Variants in L3MBTL3 observed in about 807,000 individuals in gnomAD.
L3MBTL3 encodes lethal(3)malignant brain tumor-like protein 3.
L3MBTL3 carries 27 observed loss-of-function variants against 102.3 expected under a neutral mutation model. The ratio of observed to expected loss-of-function variants is 0.26; its 90% confidence interval spans 0.19 to 0.36. L3MBTL3 has a LOEUF of 0.36. Among genes scored for constraint, L3MBTL3 ranks in the 10% least tolerant of loss-of-function variants. L3MBTL3 has a pLI of 1.00. For synonymous variants in L3MBTL3, 340 were observed against 320.9 expected (o/e 1.06, Z -0.64); for missense variants, 798 against 955.3 (o/e 0.84, Z 2.17).
At chr6:130,040,954 C>G (rs1780382506) in intron 2 of L3MBTL3, among the ~76,000 whole-genome samples, 1 of 152,196 alleles carries the variant, frequency 6.6e-6, no homozygotes, top group Non-Finnish European at 1.5e-5. Flanking sequence ...GCAATGGCTG[C>G]TACTACAGTT....
intron 13 of L3MBTL3, among the ~76,000 whole-genome samples, chr6:130,071,911 A>G (rs1447801964): frequency 6.6e-6 from 1 of 152,128 alleles, no homozygotes; most frequent in African/African-American, 2.4e-5. Flanking sequence ...TTAGATACTC[A>G]TTAGTTTTAC....
intron 13 of L3MBTL3, among the ~76,000 whole-genome samples, chr6:130,073,784 A>G (rs1304946086): frequency 6.6e-6 from 1 of 152,202 alleles, no homozygotes; most frequent in Non-Finnish European, 1.5e-5. Flanking sequence ...GGTTCTAAAA[A>G]TACAAAGAAA....
At chr6:130,063,578 G>C in intron 10 of L3MBTL3, among the ~76,000 whole-genome samples, 1 of 152,174 alleles carries the variant, frequency 6.6e-6, no homozygotes, top group East Asian at 1.9e-4. Context: ...ACTGATCAGT[G>C]TGTAACCTTG....
At chr6:130,030,336 C>G (rs1779632130) in intron 2 of L3MBTL3, among the ~76,000 whole-genome samples, 1 of 152,002 alleles carries the variant, frequency 6.6e-6, no homozygotes, top group East Asian at 1.9e-4. Flanking sequence ...GGTACCCTGG[C>G]TAAGATTATA....
intron 2 of L3MBTL3, among the ~76,000 whole-genome samples, chr6:130,031,255 A>G (rs1030329360): frequency 6.6e-6 from 1 of 152,346 alleles, no homozygotes; most frequent in African/African-American, 2.4e-5. Flanking sequence ...TGGGAGCTAG[A>G]TTAGAAGGTA....
chr6:130,115,093 A>C (rs1785578375), intron 19 of L3MBTL3, among the ~76,000 whole-genome samples: 1 of 152,144 alleles, frequency 6.6e-6, no homozygotes, highest in Non-Finnish European at 1.5e-5. Flanking sequence ...TGATGGCCAA[A>C]ACAGAAAAAC....
At chr6:130,056,227 C>A (rs1421769207) in intron 8 of L3MBTL3, among the ~76,000 whole-genome samples, 1 of 152,228 alleles carries the variant, frequency 6.6e-6, no homozygotes, top group East Asian at 1.9e-4. Context: ...TGTGCCTGGC[C>A]CTTTTTTTTG....
chr6:130,072,143 A>T (rs2115014942), intron 13 of L3MBTL3, among the ~76,000 whole-genome samples: 1 of 152,136 alleles, frequency 6.6e-6, no homozygotes, highest in South Asian at 2.1e-4. Context: ...TATGAAAAAA[A>T]GAAAAATAGC....
intron 10 of L3MBTL3, among the ~76,000 whole-genome samples, chr6:130,064,874 A>G (rs574827063): frequency 6.6e-6 from 1 of 152,346 alleles, no homozygotes; most frequent in Non-Finnish European, 1.5e-5. Flanking sequence ...AGAAGCTCAG[A>G]ACGGTGTGCC....
chr6:130,103,077 G>A (rs931111210), intron 18 of L3MBTL3, among the ~76,000 whole-genome samples: 4 of 152,308 alleles, frequency 2.6e-5, no homozygotes, highest in Middle Eastern at 3.4e-3. Flanking sequence ...CTTAACTGTT[G>A]TAAGCTTTAA....
intron 11 of L3MBTL3, among the ~76,000 whole-genome samples, chr6:130,067,108 T>A (rs1188013738): frequency 6.6e-6 from 1 of 152,186 alleles, no homozygotes; most frequent in East Asian, 1.9e-4. Context: ...ACTGTCTGCC[T>A]AAAGTATTCC....
chr6:130,030,492 C>G (rs1779644896), intron 2 of L3MBTL3, among the ~76,000 whole-genome samples: 1 of 151,614 alleles, frequency 6.6e-6, no homozygotes, highest in Non-Finnish European at 1.5e-5. Context: ...GAAACCCCGT[C>G]TCTACTGAAC....
At chr6:130,039,617 G>A (rs1026655538) in intron 2 of L3MBTL3, among the ~76,000 whole-genome samples, 7 of 135,144 alleles carry the variant, frequency 5.2e-5, no homozygotes, top group African/African-American at 1.8e-4. Flanking sequence ...ATATATATTT[G>A]CTATATTAGA....
intron 18 of L3MBTL3, among the ~76,000 whole-genome samples, chr6:130,098,406 T>A (rs1784483512): frequency 6.6e-6 from 1 of 152,168 alleles, no homozygotes; most frequent in South Asian, 2.1e-4. Flanking sequence ...CAGATTCTCA[T>A]AGAGGCAGGA....
intron 20 of L3MBTL3, among the ~76,000 whole-genome samples, chr6:130,124,662 G>A (rs1209968300): frequency 2.6e-5 from 4 of 152,160 alleles, no homozygotes; most frequent in Non-Finnish European, 5.9e-5. Flanking sequence ...CTAGACCCAA[G>A]GAATGATATC....
At chr6:130,037,851 T>C (rs929208496) in intron 2 of L3MBTL3, among the ~76,000 whole-genome samples, 1 of 152,138 alleles carries the variant, frequency 6.6e-6, no homozygotes, top group Non-Finnish European at 1.5e-5. Context: ...ATTCACCCCC[T>C]GTGCTATAGA....
At chr6:130,098,242 GC>G (rs1376876886) in intron 18 of L3MBTL3, among the ~76,000 whole-genome samples, 1 of 152,182 alleles carries the variant, frequency 6.6e-6, no homozygotes, top group African/African-American at 2.4e-5. Flanking sequence ...CTCTTGGTAT[GC>G]CCCTGCAAGC....
At chr6:130,055,081 A>G in intron 7 of L3MBTL3, 90 bp from the exon 8 acceptor site, 1 of 896,878 alleles carries the variant, frequency 1.1e-6, no homozygotes, top group Non-Finnish European at 1.8e-6. Flanking sequence ...GAAAAGAACA[A>G]CAGAAAAAGT....
intron 9 of L3MBTL3, 37 bp downstream of exon 9, chr6:130,057,534 C>T: frequency 6.7e-7 from 1 of 1,489,666 alleles, no homozygotes; most frequent in South Asian, 1.2e-5. Context: ...TGTAAGGGCG[C>T]AGGAGCTGGG....
Sources: allele counts gnomAD v4.1 joint callset (sites outside exome capture counted in the v4.1 genomes callset), GRCh38; gene constraint gnomAD v4.1.1; transcripts MANE v1.5; gene names NCBI Gene and HGNC (gene_info 2026-07-23, HGNC 2026-07-21).